The following IPO11 variants were observed in gnomAD, a reference collection of about 807,000 sequenced individuals.
The protein encoded by IPO11 is importin 11.
IPO11 carries 66 observed loss-of-function variants against 143.2 expected under a neutral mutation model. That is an observed-to-expected ratio of 0.46 (90% confidence interval 0.38 to 0.57). The LOEUF is 0.57. Among genes scored for constraint, IPO11 ranks in the 20% least tolerant of loss-of-function variants. The pLI, the probability that IPO11 is intolerant of heterozygous loss-of-function variation, is 0.00. For synonymous variants in IPO11, 385 were observed against 377.8 expected, an observed-to-expected ratio of 1.02 and a Z score of -0.22; for missense variants, 1,026 against 1,141.0, an observed-to-expected ratio of 0.90 and a Z score of 1.45.
At chr5:62,516,116 T>A (rs1252409049) in intron 20 of IPO11, among the ~76,000 whole-genome samples, 1 of 152,218 alleles carries the variant, frequency 6.6e-6, no homozygotes, top group African/African-American at 2.4e-5. Context: ...CAAGTGATTT[T>A]ACTGACTTCA....
chr5:62,498,738 C>T (rs942835611), intron 16 of IPO11, among the ~76,000 whole-genome samples: 5 of 152,088 alleles, frequency 3.3e-5, no homozygotes, highest in South Asian at 2.1e-4. Flanking sequence ...GGCATGGTGG[C>T]GGGCACCTGT....
At chr5:62,429,312 C>T (rs973562091) in intron 1 of IPO11, among the ~76,000 whole-genome samples, 5 of 152,260 alleles carry the variant, frequency 3.3e-5, no homozygotes, top group African/African-American at 1.2e-4. Context: ...GTGATGTTTT[C>T]AAGGCTCATT....
intron 29 of IPO11, among the ~76,000 whole-genome samples, chr5:62,616,745 A>AAAAAAT (rs1235706819): frequency 1.2e-4 from 18 of 144,930 alleles, no homozygotes; most frequent in African/African-American, 4.0e-4. Flanking sequence ...AAAAAAAAAA[A>AAAAAAT]TCAGTGAGAG....
intron 1 of IPO11, among the ~76,000 whole-genome samples, chr5:62,431,725 T>C (rs547603846): frequency 3.3e-5 from 5 of 152,042 alleles, no homozygotes; most frequent in Non-Finnish European, 5.9e-5. Context: ...GCGAATTACT[T>C]GAGGCCAGGA....
intron 24 of IPO11, among the ~76,000 whole-genome samples, chr5:62,546,212 T>C (rs1411706950): frequency 2.6e-5 from 4 of 152,164 alleles, no homozygotes; most frequent in Non-Finnish European, 4.4e-5. Flanking sequence ...TGTCCATCTA[T>C]GATAGACTGG....
chr5:62,603,553 C>T (rs576603219), intron 29 of IPO11, among the ~76,000 whole-genome samples: 19 of 152,322 alleles, frequency 1.2e-4, no homozygotes, highest in Admixed American at 3.9e-4. Context: ...GGGTGCAAGA[C>T]GGGAACCAGT....
At chr5:62,534,272 C>T (rs565686863) in intron 22 of IPO11, among the ~76,000 whole-genome samples, 1 of 152,242 alleles carries the variant, frequency 6.6e-6, no homozygotes, top group East Asian at 1.9e-4. Flanking sequence ...CAGCATGTGA[C>T]TGGCTCTTGT....
chr5:62,580,977 A>T (rs1319477174), intron 27 of IPO11: 1 of 1,551,186 alleles, frequency 6.4e-7, no homozygotes, highest in South Asian at 1.2e-5. Flanking sequence ...CAGGGAAAAC[A>T]TCTCTAATTT....
intron 5 of IPO11, among the ~76,000 whole-genome samples, chr5:62,454,912 G>A (rs538272787): frequency 7.2e-5 from 11 of 152,210 alleles, no homozygotes; most frequent in African/African-American, 2.6e-4. Flanking sequence ...TCCAAAAGCA[G>A]GATTTTTGAG....
At chr5:62,545,588 C>A (rs1005758701) in intron 24 of IPO11, among the ~76,000 whole-genome samples, 2 of 152,058 alleles carry the variant, frequency 1.3e-5, no homozygotes, top group Non-Finnish European at 1.5e-5. Flanking sequence ...CAAAAGCCAA[C>A]CTTGACAAAT....
intron 29 of IPO11, among the ~76,000 whole-genome samples, chr5:62,609,736 G>C (rs1745862469): frequency 6.6e-6 from 1 of 152,226 alleles, no homozygotes; most frequent in South Asian, 2.1e-4. Flanking sequence ...TTTATGCTGG[G>C]TGAGGTGATG....
intron 27 of IPO11, among the ~76,000 whole-genome samples, chr5:62,584,366 G>A (rs145899669): frequency 2.2e-3 from 335 of 152,206 alleles, no homozygotes; most frequent in African/African-American, 7.7e-3. Context: ...GGAAGGCTGA[G>A]GAAGGTGGAT....
intron 19 of IPO11, among the ~76,000 whole-genome samples, chr5:62,513,269 C>A (rs1271791982): frequency 7.4e-6 from 1 of 135,158 alleles, no homozygotes; most frequent in Non-Finnish European, 1.6e-5. Context: ...GGGGCTGACC[C>A]CCCCACCTCC....
At chr5:62,435,685 A>G (rs1744201501) in intron 1 of IPO11, among the ~76,000 whole-genome samples, 1 of 150,958 alleles carries the variant, frequency 6.6e-6, no homozygotes, top group African/African-American at 2.4e-5. Flanking sequence ...AGATCGTGCC[A>G]CTGCACTCCA....
chr5:62,620,245 C>T (rs1022349603), intron 29 of IPO11, among the ~76,000 whole-genome samples: 1 of 152,004 alleles, frequency 6.6e-6, no homozygotes, highest in Non-Finnish European at 1.5e-5. Context: ...CAGGGCTGGG[C>T]GCGATGCCTC....
intron 29 of IPO11, among the ~76,000 whole-genome samples, chr5:62,606,515 CTTAT>C (rs2112457434): frequency 6.8e-6 from 1 of 148,090 alleles, no homozygotes; most frequent in South Asian, 2.2e-4. Flanking sequence ...AAGGAGAACC[CTTAT>C]GTCTCATTAC....
intron 26 of IPO11, among the ~76,000 whole-genome samples, chr5:62,559,403 G>C (rs919028539): frequency 1.3e-5 from 2 of 151,818 alleles, no homozygotes; most frequent in South Asian, 4.2e-4. Context: ...TTTTAATGAT[G>C]ATGATGGACT....
chr5:62,549,309 A>G (rs930563271), intron 24 of IPO11, among the ~76,000 whole-genome samples: 5 of 152,102 alleles, frequency 3.3e-5, no homozygotes, highest in African/African-American at 1.2e-4. Flanking sequence ...TAGAGCAGCA[A>G]CAAATGTTGT....
At chr5:62,441,410 T>A (rs1036898046) in intron 2 of IPO11, among the ~76,000 whole-genome samples, 1 of 150,154 alleles carries the variant, frequency 6.7e-6, no homozygotes, top group African/African-American at 2.4e-5. Context: ...TTGGTCAGGC[T>A]GGTCTTGAAC....
Sources: allele counts gnomAD v4.1 joint callset (sites outside exome capture counted in the v4.1 genomes callset), GRCh38; gene constraint gnomAD v4.1.1; transcripts MANE v1.5; gene names NCBI Gene and HGNC (gene_info 2026-07-23, HGNC 2026-07-21).